The following AFAP1 variants were observed in gnomAD, a reference collection of about 807,000 sequenced individuals.
The protein encoded by AFAP1 is actin filament associated protein 1.
Under a neutral mutation model 93.9 loss-of-function variants are expected in AFAP1, and 75 were observed. The observed-to-expected ratio is 0.80, with a 90% CI of 0.66 to 0.97. The LOEUF (loss-of-function observed/expected upper bound fraction) is 0.97. Among genes scored for constraint, AFAP1 ranks in the 50% least tolerant of loss-of-function variants. The pLI is 0.00. For missense variants in AFAP1, 1,201 were observed against 1,050.8 expected (o/e 1.14, Z -1.98); for synonymous variants, 517 against 430.7 (o/e 1.20, Z -2.48).
intron 6 of AFAP1, among the ~76,000 whole-genome samples, chr4:7,824,214 C>G (rs1292593183): frequency 2.6e-5 from 4 of 152,196 alleles, no homozygotes; most frequent in Non-Finnish European, 5.9e-5. Flanking sequence ...TTTAAGAGAA[C>G]TGGATCCAAA....
chr4:7,768,759 T>C (rs534760888), intron 17 of AFAP1, 85 bp downstream of exon 17: 6 of 1,420,184 alleles, frequency 4.2e-6, no homozygotes, highest in African/African-American at 1.4e-5. Flanking sequence ...GGAAGAAGAA[T>C]GGGCTCCCTA....
intron 5 of AFAP1, among the ~76,000 whole-genome samples, chr4:7,841,704 A>G (rs1713037442): frequency 1.3e-5 from 2 of 152,220 alleles, no homozygotes; most frequent in South Asian, 4.1e-4. Context: ...AAGCTTCGTA[A>G]TAAAAGTCAA....
intron 11 of AFAP1, chr4:7,788,969 G>GTGC (rs1378370213): frequency 5.2e-5 from 8 of 152,496 alleles, no homozygotes; most frequent in Admixed American, 3.9e-4. Context: ...TCCTGCTTCT[G>GTGC]TGCTGGGAAG....
intron 6 of AFAP1, among the ~76,000 whole-genome samples, chr4:7,820,383 C>A (rs1369883529): frequency 3.3e-5 from 5 of 152,186 alleles, no homozygotes; most frequent in Non-Finnish European, 5.9e-5. Flanking sequence ...AAGGATGATG[C>A]TCACAGCCTT....
At chr4:7,821,161 C>T (rs986200860) in intron 6 of AFAP1, among the ~76,000 whole-genome samples, 1 of 152,162 alleles carries the variant, frequency 6.6e-6, no homozygotes, top group South Asian at 2.1e-4. Flanking sequence ...GCTGTGTGGC[C>T]TTGGGGGAAA....
intron 8 of AFAP1, 90 bp downstream of exon 8, chr4:7,815,928 G>C: frequency 8.5e-7 from 1 of 1,177,782 alleles, no homozygotes; most frequent in Non-Finnish European, 1.2e-6. Context: ...GACATTTTTC[G>C]TACAATCAGA....
At chr4:7,858,329 C>A (rs138042838) in intron 3 of AFAP1, among the ~76,000 whole-genome samples, 1 of 152,282 alleles carries the variant, frequency 6.6e-6, no homozygotes, top group African/African-American at 2.4e-5. Context: ...TTTTAAAAAT[C>A]ATTTTAAAAA....
At chr4:7,921,958 A>G (rs933060273) in intron 1 of AFAP1, among the ~76,000 whole-genome samples, 25 of 152,200 alleles carry the variant, frequency 1.6e-4, no homozygotes, top group Non-Finnish European at 5.9e-5. Flanking sequence ...CCCCGTCTCT[A>G]CTAAAAATAC....
chr4:7,875,171 C>A (rs1365851278), intron 1 of AFAP1, among the ~76,000 whole-genome samples: 1 of 152,208 alleles, frequency 6.6e-6, no homozygotes, highest in Non-Finnish European at 1.5e-5. Context: ...AGTTTGAGAG[C>A]TGCTCGTCTG....
chr4:7,819,226 G>A (rs891550738), intron 6 of AFAP1, 55 bp from the exon 7 acceptor site: 1 of 1,487,222 alleles, frequency 6.7e-7, no homozygotes, highest in Non-Finnish European at 9.2e-7. Context: ...ATACTTAAAG[G>A]CTTGAACTGT....
At position 7,774,815 on chromosome 4, in the gene AFAP1, T is replaced by C; in HGVS notation, c.1986A>G (p.Lys662=). ...QTKEEELLKR[K]EALRNRLAQL... ...GGGCCAGCCTATTCCGCAGGGCCTCTTTCCTCTTCAGCAGCTCCTCCTCTT... is the reference window on the plus strand; with the variant it reads ...GGGCCAGCCTATTCCGCAGGGCCTCCTTCCTCTTCAGCAGCTCCTCCTCTT... Residue 662 remains lysine, a synonymous_variant, in exon 15 of 18, where the codon AAA becomes AAG. Transcript: ENST00000420658. The C allele has an allele frequency of 6.2e-7, 1 of 1,614,246 alleles. No homozygotes were observed. Among genetic ancestry groups the C allele is most frequent in the South Asian group, 1.1e-5 (1 of 91,084 alleles).
At chr4:7,842,434 GA>G (rs1358322130) in intron 5 of AFAP1, among the ~76,000 whole-genome samples, 2 of 151,560 alleles carry the variant, frequency 1.3e-5, no homozygotes, top group Admixed American at 6.6e-5. Context: ...TAATCTGAAG[GA>G]AGAACAAAAG....
rs1309832901 is a variant in AFAP1 at position 7,855,516 on chromosome 4, T to C, written c.284A>G (p.Glu95Gly). Residue 95 changes from glutamate to glycine, a missense_variant, in exon 4 of 18, where the codon GAG (glutamate) becomes GGG (glycine). By Grantham distance (98) the Glu-to-Gly change is moderately conservative. Coordinates refer to ENST00000420658, the MANE Select transcript of AFAP1 (RefSeq NM_001134647.2). ...TCCGGGGCTCAGCGGCACAGCTTCC[T>C]CATAATAACCTTCTGGGAGGGAGGA... ...PTSSLPEGYYEEAVPLSPGKA... is the reference protein window; with the variant it reads ...PTSSLPEGYYGEAVPLSPGKA... 6.2e-7 allele frequency: 1 copy of C among 1,613,820 alleles called. No homozygotes were observed. Among genetic ancestry groups the C allele is most frequent in the Non-Finnish European group, 8.5e-7 (1 of 1,179,964 alleles).
chr4:7,860,554 T>G (rs995468364), intron 3 of AFAP1, among the ~76,000 whole-genome samples: 3 of 152,166 alleles, frequency 2.0e-5, no homozygotes, highest in African/African-American at 7.2e-5. Context: ...CAGTCAGATG[T>G]CAGCCTCTCA....
intron 12 of AFAP1, among the ~76,000 whole-genome samples, chr4:7,783,098 A>G (rs975739983): frequency 3.3e-5 from 5 of 152,188 alleles, no homozygotes; most frequent in Non-Finnish European, 7.4e-5. Flanking sequence ...AAACATTACT[A>G]AAGCTGAAAC....
At position 7,849,610 on chromosome 4, in the gene AFAP1, T is replaced by G. The variant is rs145308995; in HGVS notation, c.334+5856A>C. ...TATGGCTACTTTCTGGAGCTGCTCT[T>G]TCAGGTCTCAATGTCATTTCATAAG... On this transcript the variant is annotated intron_variant, in intron 4 of 17. Transcript: ENST00000420658. 1.6e-4 allele frequency among the ~76,000 whole-genome samples: 25 copies of G among 152,274 alleles called. No individual in the cohort carries two copies. The East Asian group carries it at 4.8e-3, about 29-fold the overall frequency.
intron 4 of AFAP1, among the ~76,000 whole-genome samples, chr4:7,852,135 C>T (rs1159885735): frequency 6.6e-6 from 1 of 152,168 alleles, no homozygotes; most frequent in Non-Finnish European, 1.5e-5. Context: ...GGGCAAGAGA[C>T]TTCAGAGTAT....
chr4:7,920,058 T>C (rs538137418), intron 1 of AFAP1, among the ~76,000 whole-genome samples: 3 of 152,332 alleles, frequency 2.0e-5, no homozygotes, highest in African/African-American at 7.2e-5. Flanking sequence ...GCGTTTGGGT[T>C]GATTCCCTGT....
At chr4:7,911,058 G>T (rs751008740) in intron 1 of AFAP1, among the ~76,000 whole-genome samples, 1 of 151,938 alleles carries the variant, frequency 6.6e-6, no homozygotes, top group East Asian at 1.9e-4. Context: ...ATAAACGCAC[G>T]GGACACACAG....
Sources: gnomAD v4.1 joint callset for allele counts (sites outside exome capture counted in the v4.1 genomes callset) on GRCh38, gnomAD v4.1.1 for gene constraint, MANE v1.5 for transcripts, NCBI Gene and HGNC (gene_info 2026-07-23, HGNC 2026-07-21) for gene names.